Variants in KCNQ1 observed in about 807,000 individuals in gnomAD.
KCNQ1 encodes potassium voltage-gated channel subfamily KQT member 1.
Under a neutral mutation model 72.4 loss-of-function variants are expected in KCNQ1, and 49 were observed. The ratio of observed to expected loss-of-function variants is 0.68; its 90% CI spans 0.54 to 0.86. The LOEUF (loss-of-function observed/expected upper bound fraction) is 0.86. Ranked by LOEUF, KCNQ1 falls within the 40% of genes least tolerant of loss-of-function variation. The probability of loss-of-function intolerance (pLI) is 0.00; values close to 1 mark genes in which losing one functional copy is unlikely to be tolerated. For missense variants in KCNQ1, 790 were observed against 945.1 expected, an observed-to-expected ratio of 0.84 and a Z score of 2.15; for synonymous variants, 450 against 412.6, an observed-to-expected ratio of 1.09 and a Z score of -1.10.
intron 10 of KCNQ1, chr11:2,636,395 G>A (rs1265445872): frequency 1.3e-5 from 2 of 152,012 alleles, no homozygotes; most frequent in Non-Finnish European, 2.9e-5. Context: ...TTAGCATGAA[G>A]GGCTGTTGAA....
At chr11:2,633,863 A>G in intron 10 of KCNQ1, 2 of 398,624 alleles carry the variant, frequency 5.0e-6, no homozygotes, top group Non-Finnish European at 8.8e-6. Flanking sequence ...ATGCGCATAT[A>G]CAAAATGTCA....
At position 2,824,879 on chromosome 11, in the gene KCNQ1, A is replaced by G. The variant is rs551716088; in HGVS notation, c.1795-22888A>G. Among the ~76,000 whole-genome samples, 46 of 152,314 alleles carry G rather than the reference A, an allele frequency of 3.0e-4. No individual in the cohort carries two copies. Among genetic ancestry groups the G allele is most frequent in the African/African-American group, 1.1e-3 (44 of 41,572 alleles). On this transcript the variant is annotated intron_variant, in intron 15 of 15. Transcript: ENST00000155840. This position sits in a 1 kb window ranked among gnomAD's most constrained non-coding sequence, Gnocchi z 5.9. ...GCACCGGAGGGTACACTGATCAGGGACACGAGTTCCCCTGCCGGGCACAGA... is the reference window on the plus strand; with the variant it reads ...GCACCGGAGGGTACACTGATCAGGGGCACGAGTTCCCCTGCCGGGCACAGA...
chr11:2,452,935 C>T (rs528619906), intron 1 of KCNQ1, among the ~76,000 whole-genome samples: 2 of 152,238 alleles, frequency 1.3e-5, no homozygotes, highest in East Asian at 3.9e-4. Context: ...ACATCACACA[C>T]CAGGATAGAC....
At chr11:2,504,915 T>C (rs969122621) in intron 1 of KCNQ1, among the ~76,000 whole-genome samples, 2 of 152,214 alleles carry the variant, frequency 1.3e-5, no homozygotes, top group African/African-American at 4.8e-5. Context: ...ACCTACTATG[T>C]ACCCACAAAA....
intron 1 of KCNQ1, among the ~76,000 whole-genome samples, chr11:2,470,706 G>C (rs992637036): frequency 8.3e-5 from 10 of 120,846 alleles, no homozygotes; most frequent in African/African-American, 3.9e-4. Context: ...CAGTTAGGTG[G>C]GGGGGGGGGT....
At chr11:2,835,692 G>A (rs1193199986) in intron 15 of KCNQ1, among the ~76,000 whole-genome samples, 1 of 152,168 alleles carries the variant, frequency 6.6e-6, no homozygotes, top group Admixed American at 6.5e-5. Flanking sequence ...CAGCATGCTG[G>A]GGCAGGGGTG....
intron 15 of KCNQ1, among the ~76,000 whole-genome samples, chr11:2,786,947 C>G (rs1372977437): frequency 4.7e-5 from 4 of 84,658 alleles, no homozygotes; most frequent in Non-Finnish European, 1.1e-4. Context: ...CATTTCGTTT[C>G]TGTTTTTTTT....
At position 2,657,450 on chromosome 11, in the gene KCNQ1, G is replaced by A; in HGVS notation, c.1394-4511G>A. The A allele has an allele frequency of 2.5e-6, 1 of 398,384 alleles. No homozygotes were observed. The highest frequency in any genetic ancestry group is 2.1e-5 in the African/African-American group (1 of 48,690). 24.7% of individuals were successfully genotyped at this position (398,384 alleles called of 1,614,324 possible). On this transcript the variant is annotated intron_variant, in intron 10 of 15. Coordinates refer to ENST00000155840, the MANE Select transcript of KCNQ1 (RefSeq NM_000218.3). This position sits in a 1 kb window ranked among gnomAD's most constrained non-coding sequence, Gnocchi z 4.8. ...TTAGTTAGATAATTAATATTCTTTTGTGCTATTGTATACAGGTTCTGTTTT... is the reference window on the plus strand; with the variant it reads ...TTAGTTAGATAATTAATATTCTTTTATGCTATTGTATACAGGTTCTGTTTT...
rs989247903 is a variant in KCNQ1, at chr11:2,715,462, G to A, written c.1514+53381G>A. Among the ~76,000 whole-genome samples the A allele has an allele frequency of 7.9e-5, 12 of 152,086 alleles. No individual in the cohort carries two copies. Among genetic ancestry groups the A allele is most frequent in the Non-Finnish European group, 1.6e-4 (11 of 67,990 alleles). The stretch of plus-strand genomic sequence containing the variant: ...GGGAGGCCAGGGAGGACCCCCTGCA[G>A]CCTGGCTCAGGCAGGGGCATGTGTG... On this transcript the variant is annotated intron_variant, in intron 11 of 15. Coordinates refer to ENST00000155840, the MANE Select transcript of KCNQ1 (RefSeq NM_000218.3). The surrounding 1 kb of genome is among the most constrained non-coding windows in gnomAD (Gnocchi z 4.9).
intron 15 of KCNQ1, among the ~76,000 whole-genome samples, chr11:2,799,232 G>T (rs189896084): frequency 6.6e-6 from 1 of 152,372 alleles, no homozygotes; most frequent in Admixed American, 6.5e-5. Context: ...GGCAGGGGCC[G>T]GACCACGGGG....
chr11:2,594,083 A>G (rs951912641), intron 10 of KCNQ1, among the ~76,000 whole-genome samples: 5 of 152,140 alleles, frequency 3.3e-5, no homozygotes, highest in Admixed American at 6.5e-5. Context: ...CTGTCTCACC[A>G]TTTGGATTTA....
intron 6 of KCNQ1, among the ~76,000 whole-genome samples, chr11:2,576,474 C>T (rs192805668): frequency 6.6e-6 from 1 of 152,234 alleles, no homozygotes; most frequent in Admixed American, 6.5e-5. Context: ...CAAACACGGG[C>T]TTCTCTGTTC....
intron 11 of KCNQ1, among the ~76,000 whole-genome samples, chr11:2,751,165 G>T (rs1400688399): frequency 3.3e-5 from 5 of 152,174 alleles, no homozygotes; most frequent in Non-Finnish European, 7.4e-5. Context: ...GACTGGTTTT[G>T]CCGGGCTCCG....
rs1464891564 is a variant in KCNQ1 at position 2,482,400 on chromosome 11, T to C, written c.386+36916T>C. ...CTGTGTTATTGAACGTAATCAACTC[T>C]CTATTGACGGCTGGGTTATTTCCTA... is the stretch of plus-strand genomic sequence containing the variant. On this transcript the variant is annotated intron_variant, in intron 1 of 15. Transcript: ENST00000155840. The surrounding 1 kb of genome is among the most constrained non-coding windows in gnomAD (Gnocchi z 5.7). Among the ~76,000 whole-genome samples the C allele has an allele frequency of 1.1e-4, 16 of 152,190 alleles. No homozygotes were observed. The highest frequency in any genetic ancestry group is 1.5e-5 in the Non-Finnish European group (1 of 68,036).
At chr11:2,607,040 C>T (rs184669520) in intron 10 of KCNQ1, among the ~76,000 whole-genome samples, 26 of 151,752 alleles carry the variant, frequency 1.7e-4, no homozygotes, top group Admixed American at 1.6e-3. Context: ...GTAGCTGGGA[C>T]TACAGGCGCA....
rs1202575666 is a variant in KCNQ1, at chr11:2,458,310, C to G, written c.386+12826C>G. On this transcript the variant is annotated intron_variant, in intron 1 of 15. Transcript: ENST00000155840. This position sits in a 1 kb window ranked among gnomAD's most constrained non-coding sequence, Gnocchi z 4.6. ...AACCAGTGGACTTTGATTTGCATTTCTCTAAAGATCTGTGGAGGTCAATAG... is the reference window on the plus strand; with the variant it reads ...AACCAGTGGACTTTGATTTGCATTTGTCTAAAGATCTGTGGAGGTCAATAG... 6.6e-6 allele frequency among the ~76,000 whole-genome samples: 1 copy of G among 152,210 alleles called. No homozygotes were observed. The highest frequency in any genetic ancestry group is 2.4e-5 in the African/African-American group (1 of 41,454).
intron 11 of KCNQ1, chr11:2,665,843 A>G (rs1850057732): frequency 5.0e-6 from 2 of 398,564 alleles, no homozygotes; most frequent in African/African-American, 2.1e-5. Context: ...GCACAGGGCT[A>G]GGGGCCTGAG....
rs120074195 is a variant in KCNQ1 at position 2,572,984 on chromosome 11, G to A, written c.919G>A (p.Val307Met). 6.2e-7 allele frequency: 1 copy of A among 1,612,806 alleles called. No individual in the cohort carries two copies. Among genetic ancestry groups the A allele is most frequent in the Non-Finnish European group, 8.5e-7 (1 of 1,179,338 alleles). ...GSYADALWWGVVTVTTIGYGD... is the reference protein window; with the variant it reads ...GSYADALWWGMVTVTTIGYGD... ...CTACGCAGATGCGCTGTGGTGGGGG[G>A]TGGTAAGTCGGAAACTTCCAGGCAT... is the stretch of plus-strand genomic sequence containing the variant. The change falls in exon 6 of 16, where the codon GTG becomes ATG. Residue 307 changes from valine (V) to methionine (M), a missense_variant and splice_region_variant. By Grantham distance (21) the Val-to-Met change is conservative. Coordinates refer to ENST00000155840, the MANE Select transcript of KCNQ1 (RefSeq NM_000218.3).
Position 2,659,714 on chromosome 11 carries a change from G to T in KCNQ1, c.1394-2247G>T. 1 of 398,510 alleles carries T rather than the reference G, an allele frequency of 2.5e-6. No homozygotes were observed. 24.7% of individuals were successfully genotyped at this position (398,510 alleles called of 1,614,324 possible). ...ACTGTGCCATTTTGCATTCCCACCA[G>T]TAACATATGAGAGTTCTACATGTTC... On this transcript the variant is annotated intron_variant, in intron 10 of 15. Transcript: ENST00000155840. The surrounding 1 kb of genome is among the most constrained non-coding windows in gnomAD (Gnocchi z 4.3).
Sources: allele counts gnomAD v4.1 joint callset (sites outside exome capture counted in the v4.1 genomes callset), GRCh38; gene constraint gnomAD v4.1.1; non-coding constraint Gnocchi (gnomAD v3.1); transcripts MANE v1.5; gene names NCBI Gene and HGNC (gene_info 2026-07-23, HGNC 2026-07-21).